Variants in DACH2 observed in about 807,000 individuals in gnomAD.
DACH2 encodes dachshund homolog 2.
A neutral mutation model predicts 35.8 loss-of-function variants in DACH2; 17 were observed. That is an observed-to-expected ratio of 0.48 (90% CI 0.33 to 0.71). The LOEUF (loss-of-function observed/expected upper bound fraction) is 0.71. DACH2 is among the 30% of genes least tolerant of loss of function. The pLI is 0.02. For missense variants in DACH2, 469 were observed against 472.7 expected (o/e 0.99, Z 0.07); for synonymous variants, 195 against 177.3 (o/e 1.10, Z -0.79).
chrX:86,339,677 C>G (rs1468491918), intron 1 of DACH2, among the ~76,000 whole-genome samples: 1 of 111,577 alleles, frequency 9.0e-6, no homozygotes, highest in Non-Finnish European at 1.9e-5. Flanking sequence ...GCTTCAAAGT[C>G]TATACTCTTA....
intron 3 of DACH2, among the ~76,000 whole-genome samples, chrX:86,590,433 G>C (rs2148348763): frequency 8.9e-6 from 1 of 111,780 alleles, no homozygotes; most frequent in East Asian, 2.8e-4. Context: ...TTGTTACAGA[G>C]AGAATATTGT....
chrX:86,434,880 AAG>A (rs1228492143), intron 2 of DACH2, among the ~76,000 whole-genome samples: 1 of 111,311 alleles, frequency 9.0e-6, no homozygotes, highest in African/African-American at 3.3e-5. Context: ...GCGGAAGGTA[AAG>A]AGAGAGCAGG....
At chrX:86,317,279 T>G (rs1301159712) in intron 1 of DACH2, among the ~76,000 whole-genome samples, 1 of 111,579 alleles carries the variant, frequency 9.0e-6, no homozygotes, top group Non-Finnish European at 1.9e-5. Context: ...GGGGCTTGGC[T>G]TTGTTCAGCT....
chrX:86,333,606 TC>T (rs2035249929), intron 1 of DACH2, among the ~76,000 whole-genome samples: 1 of 111,422 alleles, frequency 9.0e-6, no homozygotes, highest in Non-Finnish European at 1.9e-5. Context: ...AACCTGACAA[TC>T]CTTTATGTAC....
intron 3 of DACH2, among the ~76,000 whole-genome samples, chrX:86,623,646 A>G (rs2040094397): frequency 8.9e-6 from 1 of 111,990 alleles, no homozygotes. Flanking sequence ...CTTTACAAGA[A>G]TGTCACTATT....
intron 1 of DACH2, among the ~76,000 whole-genome samples, chrX:86,345,991 T>G (rs780625455): frequency 8.9e-6 from 1 of 112,343 alleles, no homozygotes; most frequent in Non-Finnish European, 1.9e-5. Context: ...ATGTAGAATC[T>G]GTTTGACTAA....
chrX:86,512,879 C>T, intron 2 of DACH2: 1 of 328,676 alleles, frequency 3.0e-6, no homozygotes, highest in South Asian at 2.6e-5. Flanking sequence ...CACGGTAAAA[C>T]ACTGAGTTAA....
At chrX:86,687,699 A>G (rs1440279907) in intron 4 of DACH2, among the ~76,000 whole-genome samples, 2 of 111,894 alleles carry the variant, frequency 1.8e-5, no homozygotes, top group Non-Finnish European at 3.8e-5. Context: ...ACACCATGGA[A>G]TACTATGCAG....
intron 2 of DACH2, among the ~76,000 whole-genome samples, chrX:86,432,447 A>G (rs1306394977): frequency 8.9e-6 from 1 of 112,159 alleles, no homozygotes; most frequent in Non-Finnish European, 1.9e-5. Context: ...GCCATTAGTA[A>G]ATGCTGTTAT....
At chrX:86,186,823 A>G (rs1452571114) in intron 1 of DACH2, among the ~76,000 whole-genome samples, 1 of 111,734 alleles carries the variant, frequency 8.9e-6, no homozygotes, top group Non-Finnish European at 1.9e-5. Flanking sequence ...TTTTCTAATA[A>G]TAGTGGTGAT....
chrX:86,318,358 T>A (rs2034953036), intron 1 of DACH2, among the ~76,000 whole-genome samples: 1 of 111,618 alleles, frequency 9.0e-6, no homozygotes, highest in Non-Finnish European at 1.9e-5. Context: ...TTTTCTGTTA[T>A]CAGAAACCTG....
chrX:86,666,937 C>T (rs2040676196), intron 4 of DACH2, among the ~76,000 whole-genome samples: 1 of 109,748 alleles, frequency 9.1e-6, no homozygotes, highest in Non-Finnish European at 1.9e-5. Context: ...TGCATCTTAA[C>T]AGTGCATAGT....
intron 3 of DACH2, among the ~76,000 whole-genome samples, chrX:86,612,782 T>C (rs904383818): frequency 2.7e-5 from 3 of 112,590 alleles, no homozygotes; most frequent in Non-Finnish European, 3.8e-5. Flanking sequence ...GCTCACCTGA[T>C]TTTTGATTCT....
intron 2 of DACH2, among the ~76,000 whole-genome samples, chrX:86,390,313 T>A (rs1222177693): frequency 3.6e-5 from 4 of 111,943 alleles, no homozygotes; most frequent in Non-Finnish European, 7.5e-5. Context: ...AATTTGAGTG[T>A]AAGCTGTTAG....
At chrX:86,164,809 C>G (rs1298345055) in intron 1 of DACH2, among the ~76,000 whole-genome samples, 1 of 111,365 alleles carries the variant, frequency 9.0e-6, no homozygotes, top group Non-Finnish European at 1.9e-5. Context: ...GTTCTTGTAC[C>G]AGTACCATGC....
Position 86,148,460 on chromosome X carries a change from T to G in DACH2, c.-161T>G. On this transcript the variant is annotated 5_prime_UTR_variant, in exon 1 of 12. Transcript: ENST00000373125. ...CGGGTCGGGGCTGCTCACTGTTTGTTGAGCTTGAGCGTGAGCCGGCTGCTG... is the reference window on the plus strand; with the variant it reads ...CGGGTCGGGGCTGCTCACTGTTTGTGGAGCTTGAGCGTGAGCCGGCTGCTG... The G allele has an allele frequency of 3.4e-6, 2 of 580,177 alleles. No homozygotes were observed. The highest frequency in any genetic ancestry group is 5.2e-6 in the Non-Finnish European group (2 of 382,538). 47.8% of individuals were successfully genotyped at this position (580,177 alleles called of 1,213,427 possible). A position where few individuals can be genotyped will look rare whatever the true frequency, so the allele number is the denominator to read the frequency against.
intron 1 of DACH2, among the ~76,000 whole-genome samples, chrX:86,276,559 G>A (rs2033919849): frequency 9.4e-6 from 1 of 105,844 alleles, no homozygotes; most frequent in Non-Finnish European, 1.9e-5. Flanking sequence ...GTTCATTTTT[G>A]CTTTGGTTGC....
chrX:86,514,030 G>A (rs2038431714), intron 2 of DACH2, among the ~76,000 whole-genome samples: 1 of 111,629 alleles, frequency 9.0e-6, no homozygotes, highest in Admixed American at 9.6e-5. Context: ...ATTGCAAAGT[G>A]CTGGCCTGTA....
intron 1 of DACH2, among the ~76,000 whole-genome samples, chrX:86,314,616 G>C (rs776233628): frequency 1.8e-5 from 2 of 112,245 alleles, no homozygotes. Context: ...CAGTTATCCA[G>C]ATCTTGAATG....
Sources: gnomAD v4.1 joint callset for allele counts (sites outside exome capture counted in the v4.1 genomes callset) on GRCh38, gnomAD v4.1.1 for gene constraint, MANE v1.5 for transcripts, NCBI Gene and HGNC (gene_info 2026-07-23, HGNC 2026-07-21) for gene names.